MED21: variants seen among roughly 807,000 people sequenced by gnomAD.
MED21 encodes the protein mediator complex subunit 21, also known as mediator of RNA polymerase II transcription subunit 21.
In MED21, 9 loss-of-function variants were observed where a neutral mutation model predicts 18.2. That is an observed-to-expected ratio of 0.49 (90% CI 0.30 to 0.86). The LOEUF is 0.86. MED21 is among the 40% of genes least tolerant of loss of function. The pLI, the probability that MED21 is intolerant of heterozygous loss-of-function variation, is 0.07. For synonymous variants in MED21, 73 were observed against 60.5 expected (o/e 1.21, Z -0.96); for missense variants, 150 against 170.9 (o/e 0.88, Z 0.68).
intron 3 of MED21, among the ~76,000 whole-genome samples, chr12:27,027,710 T>C (rs1941563934): frequency 6.6e-6 from 1 of 152,210 alleles, no homozygotes; most frequent in African/African-American, 2.4e-5. Flanking sequence ...GAGGGCCTTC[T>C]TCCTGTTTCC....
At position 27,023,300 on chromosome 12, in the gene MED21, C is replaced by CTTTTTTTTTTTT. The variant is rs71437317; in HGVS notation, c.42+685_42+696dup. Among the ~76,000 whole-genome samples the CTTTTTTTTTTTT allele has an allele frequency of 5.7e-3, 632 of 110,280 alleles. 1 individual carries two copies. Among genetic ancestry groups the CTTTTTTTTTTTT allele is most frequent in the African/African-American group, 8.7e-3 (240 of 27,688 alleles). The allele number at this position is 110,280 out of a possible 152,430, so 72.3% of individuals were successfully genotyped here. ...CGCTTATTTGAGTCTTTTTTCTTTTCTTTTTTTTTTTTTTTTTACTTTGGA... is the reference window on the plus strand; with the variant it reads ...CGCTTATTTGAGTCTTTTTTCTTTTCTTTTTTTTTTTTTTTTTTTTTTTTTTTTTACTTTGGA... On this transcript the variant is annotated intron_variant, in intron 1 of 3. Transcript: ENST00000282892.
Position 27,030,340 on chromosome 12 carries a change from G to T in MED21, c.*1879G>T. ...TTTAGAGATGGGGTCTCACTCTGTTGCCCAGGCTAATGCCAAACTGCTAAC... is the reference window on the plus strand; with the variant it reads ...TTTAGAGATGGGGTCTCACTCTGTTTCCCAGGCTAATGCCAAACTGCTAAC... On this transcript the variant is annotated 3_prime_UTR_variant, in exon 4 of 4. Coordinates refer to ENST00000282892, the MANE Select transcript of MED21 (RefSeq NM_004264.5). The T allele has an allele frequency of 2.3e-6, 1 of 441,824 alleles. No individual in the cohort carries two copies. The highest frequency in any genetic ancestry group is 3.9e-5 in the Admixed American group (1 of 25,868). The allele number at this position is 441,824 out of a possible 1,614,324, so 27.4% of individuals were successfully genotyped here. A position where few individuals can be genotyped will look rare whatever the true frequency, so the allele number is the denominator to read the frequency against.
chr12:27,027,203 AG>A, intron 2 of MED21, 143 bp from the exon 3 acceptor site: 1 of 495,224 alleles, frequency 2.0e-6, no homozygotes, highest in Non-Finnish European at 3.6e-6. Flanking sequence ...CTGGGATTAC[AG>A]GCGTGAGCCA....
At position 27,029,271 on chromosome 12, in the gene MED21, C is replaced by T; in HGVS notation, c.*810C>T. On this transcript the variant is annotated 3_prime_UTR_variant, in exon 4 of 4. Coordinates refer to ENST00000282892, the MANE Select transcript of MED21 (RefSeq NM_004264.5). ...ACCTCTCAACTTTTATTGCTGTATT[C>T]TAGTCAGACCAGAACATACTTCCAC... 1.0e-6 allele frequency: 1 copy of T among 985,252 alleles called. No individual in the cohort carries two copies. Among genetic ancestry groups the T allele is most frequent in the Non-Finnish European group, 1.2e-6 (1 of 829,810 alleles). The allele number at this position is 985,252 out of a possible 1,614,324, so 61.0% of individuals were successfully genotyped here. A position where few individuals can be genotyped will look rare whatever the true frequency, so the allele number is the denominator to read the frequency against.
intron 2 of MED21, among the ~76,000 whole-genome samples, chr12:27,026,737 G>T (rs1239028726): frequency 6.6e-6 from 1 of 152,196 alleles, no homozygotes; most frequent in African/African-American, 2.4e-5. Flanking sequence ...ATAATAGATT[G>T]TTACTCCTTT....
At chr12:27,024,341 A>G (rs1331901661) in intron 1 of MED21, among the ~76,000 whole-genome samples, 2 of 151,946 alleles carry the variant, frequency 1.3e-5, no homozygotes, top group African/African-American at 2.4e-5. Context: ...TTTTCTTAAT[A>G]CATCAGAATT....
chr12:27,032,229 A>G (rs1012177731), downstream of MED21, among the ~76,000 whole-genome samples: 1 of 152,212 alleles, frequency 6.6e-6, no homozygotes, highest in Non-Finnish European at 1.5e-5. Flanking sequence ...CTTTGAATAC[A>G]GGTGCCTAAG....
At chr12:27,038,770 T>C (rs1465540673) in intron 2 of MED21, 2 of 152,208 alleles carry the variant, frequency 1.3e-5, no homozygotes, top group African/African-American at 4.8e-5. Context: ...TATGTATTTC[T>C]ATATATTTAT....
At chr12:27,027,487 G>T in intron 3 of MED21, 40 bp downstream of exon 3, 2 of 1,462,782 alleles carry the variant, frequency 1.4e-6, no homozygotes, top group South Asian at 1.2e-5. Context: ...CAGTAATAGA[G>T]AATTTTGAAT....
intron 1 of MED21, 108 bp from the exon 2 acceptor site, chr12:27,026,312 C>T: frequency 1.6e-6 from 1 of 630,914 alleles, no homozygotes; most frequent in Non-Finnish European, 2.8e-6. Flanking sequence ...GTTTTATTCC[C>T]TTGCTCAGAG....
chr12:27,027,400 G>GT lies in MED21; in HGVS notation c.215dup (p.Leu72PhefsTer8). On this transcript the variant is annotated frameshift_variant, in exon 3 of 4. Coordinates refer to ENST00000282892, the MANE Select transcript of MED21 (RefSeq NM_004264.5). LOFTEE classifies it high-confidence loss of function. ...TGCACGAACAGCAAAAGACATTGAT[G>GT]TTTTGATAGATTCCTTACCCAGTGA... 6.2e-7 allele frequency: 1 copy of GT among 1,613,808 alleles called. No homozygotes were observed. Among genetic ancestry groups the GT allele is most frequent in the Non-Finnish European group, 8.5e-7 (1 of 1,179,862 alleles).
intron 2 of MED21, among the ~76,000 whole-genome samples, chr12:27,026,959 C>T (rs369487546): frequency 4.6e-5 from 7 of 151,922 alleles, no homozygotes; most frequent in South Asian, 4.1e-4. Context: ...GACGGAGTCT[C>T]GCTCTGTCAC....
Position 27,025,074 on chromosome 12 carries a change from A to G in MED21, c.43-1346A>G, listed in dbSNP as rs144418572. 1.3e-3 allele frequency among the ~76,000 whole-genome samples: 194 copies of G among 152,370 alleles called. 3 individuals are homozygous for G. The highest frequency in any genetic ancestry group is 9.5e-3 in the Admixed American group (145 of 15,304). On this transcript the variant is annotated intron_variant, in intron 1 of 3. Coordinates refer to ENST00000282892, the MANE Select transcript of MED21 (RefSeq NM_004264.5). ...TTTTCCATAAATTTTTGTTGACTAA[A>G]TGGATCTTAAAAGCTTTTGAAGGAT...
chr12:27,029,921 C>A lies in MED21; in HGVS notation c.*1460C>A. On this transcript the variant is annotated 3_prime_UTR_variant, in exon 4 of 4. Coordinates refer to ENST00000282892, the MANE Select transcript of MED21 (RefSeq NM_004264.5). ...ACTAACAGGATTTATCACTAGTAAA[C>A]CTGCTCTAAAAGAATTCAAGGGAAG... The A allele has an allele frequency of 1.9e-6, 1 of 525,604 alleles. No individual in the cohort carries two copies. The highest frequency in any genetic ancestry group is 2.4e-6 in the Non-Finnish European group (1 of 410,074). The allele number at this position is 525,604 out of a possible 1,614,324, so 32.6% of individuals were successfully genotyped here.
downstream of MED21, among the ~76,000 whole-genome samples, chr12:27,032,782 A>G (rs1307967196): frequency 6.6e-6 from 1 of 152,190 alleles, no homozygotes; most frequent in Admixed American, 6.5e-5. Context: ...GTACCCATAG[A>G]CTAATCTGGA....
At position 27,030,217 on chromosome 12, in the gene MED21, C is replaced by T. The variant is rs1391525093; in HGVS notation, c.*1756C>T. On this transcript the variant is annotated 3_prime_UTR_variant, in exon 4 of 4. Transcript: ENST00000282892. ...CTGTGATCATGGCTCACTGCAGCTTCACCCTGGGTTCAGGTGATCCTCCCA... is the reference window on the plus strand; with the variant it reads ...CTGTGATCATGGCTCACTGCAGCTTTACCCTGGGTTCAGGTGATCCTCCCA... 1 of 641,312 alleles carries T rather than the reference C, an allele frequency of 1.6e-6. No individual in the cohort carries two copies. The highest frequency in any genetic ancestry group is 2.9e-6 in the Non-Finnish European group (1 of 347,820). 39.7% of individuals were successfully genotyped at this position (641,312 alleles called of 1,614,324 possible).
downstream of MED21, among the ~76,000 whole-genome samples, chr12:27,031,092 A>T (rs955481633): frequency 6.6e-6 from 1 of 152,152 alleles, no homozygotes; most frequent in African/African-American, 2.4e-5. Flanking sequence ...TTTTTAGTAG[A>T]GACGGGGTTT....
chr12:27,032,838 C>T (rs941327465), downstream of MED21, among the ~76,000 whole-genome samples: 7 of 152,180 alleles, frequency 4.6e-5, no homozygotes, highest in Admixed American at 3.9e-4. Flanking sequence ...CTCCCTTCCC[C>T]GTAAGCCACT....
downstream of MED21, among the ~76,000 whole-genome samples, chr12:27,032,838 C>A (rs941327465): frequency 1.3e-5 from 2 of 152,180 alleles, no homozygotes; most frequent in Non-Finnish European, 2.9e-5. Context: ...CTCCCTTCCC[C>A]GTAAGCCACT....
Sources: gnomAD v4.1 joint callset for allele counts (sites outside exome capture counted in the v4.1 genomes callset) on GRCh38, gnomAD v4.1.1 for gene constraint, MANE v1.5 for transcripts, NCBI Gene and HGNC (gene_info 2026-07-23, HGNC 2026-07-21) for gene names.